The following SETD1A variants were observed in gnomAD, a reference collection of about 807,000 sequenced individuals.
SETD1A encodes SET domain containing 1A, histone lysine methyltransferase, also known as histone-lysine N-methyltransferase SETD1A.
Under a neutral mutation model 149.9 loss-of-function variants are expected in SETD1A, and 29 were observed. The ratio of observed to expected loss-of-function variants is 0.19; its 90% CI spans 0.14 to 0.26. SETD1A has a LOEUF of 0.26. Ranked by LOEUF, SETD1A falls within the 10% of genes least tolerant of loss-of-function variation. The pLI is 1.00. For missense variants in SETD1A, 2,109 were observed against 2,353.1 expected, an observed-to-expected ratio of 0.90 and a Z score of 2.15; for synonymous variants, 1,141 against 968.5, an observed-to-expected ratio of 1.18 and a Z score of -3.31.
At chr16:30,973,299 C>T (rs189528551) in intron 13 of SETD1A, among the ~76,000 whole-genome samples, 15 of 152,174 alleles carry the variant, frequency 9.9e-5, no homozygotes, top group Admixed American at 2.6e-4. Flanking sequence ...GGATGTAGGG[C>T]GCTTCTTAAG....
rs75304120 is a variant in SETD1A at position 30,969,480 on chromosome 16, G to A, written c.2928+18G>A. On this transcript the variant is annotated intron_variant, in intron 11 of 18. Transcript: ENST00000262519. Reference sequence around the variant, plus strand: ...CGGAGAAGGTGAGGGCCCGGGCGCCGGCTCCTGGCCGAAGCCTACTTCCCA... The same window carrying A: ...CGGAGAAGGTGAGGGCCCGGGCGCCAGCTCCTGGCCGAAGCCTACTTCCCA... The A allele has an allele frequency of 3.2e-3, 5,087 of 1,601,840 alleles. 51 individuals are homozygous for A. The highest frequency in any genetic ancestry group is 0.019 in the African/African-American group (1,447 of 74,764).
Position 30,958,825 on chromosome 16 carries a change from C to G in SETD1A, c.94C>G (p.Leu32Val). ...CGTGGATCCTGCCTTGGACCCTGCC[C>G]TGCGCAGGCCTTCTCAGAAGGTGTA... ...LIVDPALDPA[L>V]RRPSQKVYRY... Residue 32 changes from leucine to valine, a missense_variant, in exon 2 of 19, where the codon CTG becomes GTG. Leu to Val is a conservative substitution (Grantham distance 32). Around this residue, in one of 8 missense-constraint regions of SETD1A, gnomAD observed 75 missense variants for 95.3 expected, o/e 0.79. Transcript: ENST00000262519. 6.2e-7 allele frequency: 1 copy of G among 1,614,222 alleles called. No homozygotes were observed. The highest frequency in any genetic ancestry group is 1.6e-4 in the Middle Eastern group (1 of 6,062).
chr16:30,972,715 G>A (rs976564305), intron 13 of SETD1A, among the ~76,000 whole-genome samples: 2 of 151,264 alleles, frequency 1.3e-5, no homozygotes, highest in East Asian at 3.9e-4. Context: ...CTAGCTAGGC[G>A]TGGTGGCGCA....
Position 30,963,631 on chromosome 16 carries a change from G to A in SETD1A, c.639+77G>A, listed in dbSNP as rs1330372916. On this transcript the variant is annotated intron_variant, in intron 5 of 18. Transcript: ENST00000262519. ...GGTGCCCGGAGCAGGAGCAGTCTTC[G>A]GGAGGTTCCGGGCTTTCCCGTTAAA... 9 of 1,451,660 alleles carry A rather than the reference G, an allele frequency of 6.2e-6. No homozygotes were observed. In the Admixed American group the frequency reaches 7.4e-5, roughly 12 times the overall value. 89.9% of individuals were successfully genotyped at this position (1,451,660 alleles called of 1,614,324 possible). A position where few individuals can be genotyped will look rare whatever the true frequency, so the allele number is the denominator to read the frequency against.
In SETD1A at chr16:30,961,551, T is replaced by C. The variant is rs1596670849; in HGVS notation, c.517+14T>C. On this transcript the variant is annotated intron_variant, in intron 4 of 18. Coordinates refer to ENST00000262519, the MANE Select transcript of SETD1A (RefSeq NM_014712.3). The surrounding 1 kb of genome is among the most constrained non-coding windows in gnomAD (Gnocchi z 4.0). Reference sequence around the variant, plus strand: ...TTGACATCAAAGGTGAGGACTCCTCTGCCTGCCACTCAGGCTTGGCCTCCA... The same window carrying C: ...TTGACATCAAAGGTGAGGACTCCTCCGCCTGCCACTCAGGCTTGGCCTCCA... The C allele has an allele frequency of 6.2e-7, 1 of 1,610,808 alleles. No individual in the cohort carries two copies. Among genetic ancestry groups the C allele is most frequent in the South Asian group, 1.1e-5 (1 of 90,856 alleles).
rs771507111 is a variant in SETD1A, at chr16:30,980,479, C to T, written c.4409-6C>T. On this transcript the variant is annotated splice_region_variant and splice_polypyrimidine_tract_variant and intron_variant, in intron 14 of 18. Transcript: ENST00000262519. This position sits in a 1 kb window ranked among gnomAD's most constrained non-coding sequence, Gnocchi z 7.7. ...AGGAGCCGTTCTCTTCCTTAACACCCTGCACTCACCAACCTGACCACCCCA... is the reference window on the plus strand; with the variant it reads ...AGGAGCCGTTCTCTTCCTTAACACCTTGCACTCACCAACCTGACCACCCCA... 1.2e-6 allele frequency: 2 copies of T among 1,612,012 alleles called. No individual in the cohort carries two copies. Among genetic ancestry groups the T allele is most frequent in the East Asian group, 2.2e-5 (1 of 44,886 alleles).
intron 4 of SETD1A, among the ~76,000 whole-genome samples, chr16:30,962,056 T>G (rs1032218298): frequency 8.6e-6 from 1 of 116,928 alleles, no homozygotes; most frequent in Non-Finnish European, 1.7e-5. Context: ...CTGCCCAGCC[T>G]GTTTTTAATT....
In SETD1A at chr16:30,983,898, G is replaced by A. The variant is rs757075905; in HGVS notation, c.4999G>A (p.Val1667Met). 1 of 1,612,788 alleles carries A rather than the reference G, an allele frequency of 6.2e-7. No homozygotes were observed. Among genetic ancestry groups the A allele is most frequent in the Non-Finnish European group, 8.5e-7 (1 of 1,179,352 alleles). ...CACCATCGAGTCCCAGAAGAAGATC[G>A]TGATCTACTCCAAGCAGCCCATTGG... ...VITIESQKKI[V>M]IYSKQPIGVD... The change falls in exon 19 of 19, where the codon GTG becomes ATG. Residue 1667 changes from valine (V) to methionine (M), a missense_variant. Val to Met is a conservative substitution (Grantham distance 21, BLOSUM62 1). Transcript: ENST00000262519. This position sits in a 1 kb window ranked among gnomAD's most constrained non-coding sequence, Gnocchi z 6.8.
intron 12 of SETD1A, among the ~76,000 whole-genome samples, chr16:30,970,906 G>A (rs944240547): frequency 3.9e-5 from 6 of 152,312 alleles, no homozygotes; most frequent in Middle Eastern, 3.4e-3. Context: ...TCCCGTACAT[G>A]AGCAGTCTCA....
At chr16:30,973,181 A>G (rs1254939877) in intron 13 of SETD1A, among the ~76,000 whole-genome samples, 1 of 152,186 alleles carries the variant, frequency 6.6e-6, no homozygotes, top group African/African-American at 2.4e-5. Context: ...CAGCCATGTC[A>G]GGAATTTGGC....
rs1197804550 is a variant in SETD1A, at chr16:30,979,528, G to C, written c.3742G>C (p.Gly1248Arg). The change falls in exon 14 of 19, where the codon GGG becomes CGG. Residue 1248 changes from glycine to arginine, a missense_variant. By Grantham distance (125) the Gly-to-Arg change is moderately radical. Coordinates refer to ENST00000262519, the MANE Select transcript of SETD1A (RefSeq NM_014712.3). ...RLTEEEEAEP[G>R]TEVDLAVLAD... is the part of the protein sequence containing the mutation. ...CACCGAGGAAGAGGAGGCTGAGCCA[G>C]GGACAGAGGTGGACCTGGCGGTCCT... The C allele has an allele frequency of 6.2e-7, 1 of 1,608,176 alleles. No individual in the cohort carries two copies. The highest frequency in any genetic ancestry group is 1.1e-5 in the South Asian group (1 of 90,640).
Position 30,965,003 on chromosome 16 carries a change from A to T in SETD1A, c.1261A>T (p.Thr421Ser), listed in dbSNP as rs140530076. The change falls in exon 7 of 19, where the codon ACC becomes TCC. Residue 421 changes from threonine to serine, a missense_variant. Around this residue, in one of 8 missense-constraint regions of SETD1A, gnomAD observed 410 missense variants for 394.8 expected, o/e 1.04. Coordinates refer to ENST00000262519, the MANE Select transcript of SETD1A (RefSeq NM_014712.3). ...CCTGCCCCCCGAGCCCAGCCGGCCC[A>T]CCGACCAGGACTACCGGCCTCCTGC... ...SYLPPEPSRP[T>S]DQDYRPPASE... 22 of 1,612,716 alleles carry T rather than the reference A, an allele frequency of 1.4e-5. No individual in the cohort carries two copies. The African/African-American group carries it at 2.1e-4, about 16-fold the overall frequency.
rs200812185 is a variant in SETD1A, at chr16:30,971,597, C to T, written c.3236C>T (p.Pro1079Leu). The change falls in exon 13 of 19, where the codon CCG becomes CTG. Residue 1079 changes from proline (P) to leucine (L), a missense_variant. By Grantham distance (98) the Pro-to-Leu change is moderately conservative. Transcript: ENST00000262519. ...ERPAALPSAS[P>L]PPREVPVPTP... ...CCAGCAGCCCTTCCCTCAGCCTCCCCGCCCCCCAGAGAAGTCCCAGTGCCC... is the reference window on the plus strand; with the variant it reads ...CCAGCAGCCCTTCCCTCAGCCTCCCTGCCCCCCAGAGAAGTCCCAGTGCCC... 39 of 1,613,892 alleles carry T rather than the reference C, an allele frequency of 2.4e-5. No homozygotes were observed. In the Middle Eastern group the frequency reaches 6.6e-4, roughly 27 times the overall value.
chr16:30,980,392 C>T lies in SETD1A; in HGVS notation c.4409-93C>T, dbSNP rs538302149. 35 of 1,497,636 alleles carry T rather than the reference C, an allele frequency of 2.3e-5. No individual in the cohort carries two copies. In the South Asian group the frequency reaches 2.7e-4, roughly 12 times the overall value. The allele number at this position is 1,497,636 out of a possible 1,614,324, so 92.8% of individuals were successfully genotyped here. The stretch of plus-strand genomic sequence containing the variant: ...TGGGGCTTCCTCCCCTGTCCCTCAC[C>T]TGGGTATGCTCAGCGGCGTGGGCCC... On this transcript the variant is annotated intron_variant, in intron 14 of 18. Transcript: ENST00000262519. This position sits in a 1 kb window ranked among gnomAD's most constrained non-coding sequence, Gnocchi z 7.7.
chr16:30,972,365 G>A (rs935238769), intron 13 of SETD1A, among the ~76,000 whole-genome samples: 29 of 152,160 alleles, frequency 1.9e-4, no homozygotes, highest in African/African-American at 6.8e-4. Flanking sequence ...GGCCGGGCGC[G>A]GTGGCTTACG....
In SETD1A at chr16:30,980,475, C is replaced by T. The variant is rs768068745; in HGVS notation, c.4409-10C>T. The stretch of plus-strand genomic sequence containing the variant: ...AGAGAGGAGCCGTTCTCTTCCTTAA[C>T]ACCCTGCACTCACCAACCTGACCAC... On this transcript the variant is annotated splice_polypyrimidine_tract_variant and intron_variant, in intron 14 of 18. Transcript: ENST00000262519. The surrounding 1 kb of genome is among the most constrained non-coding windows in gnomAD (Gnocchi z 7.7). The T allele has an allele frequency of 6.2e-7, 1 of 1,610,176 alleles. No homozygotes were observed. The highest frequency in any genetic ancestry group is 8.5e-7 in the Non-Finnish European group (1 of 1,177,976).
intron 7 of SETD1A, 61 bp downstream of exon 7, chr16:30,965,522 G>A: frequency 3.8e-6 from 6 of 1,589,314 alleles, no homozygotes; most frequent in Non-Finnish European, 4.3e-6. Flanking sequence ...TGGGCCTAGG[G>A]GAGAGGGAAG....
At chr16:30,974,747 C>A (rs992576407) in intron 13 of SETD1A, among the ~76,000 whole-genome samples, 1 of 152,130 alleles carries the variant, frequency 6.6e-6, no homozygotes, top group African/African-American at 2.4e-5. Flanking sequence ...TGGCTCACAC[C>A]TGTAATCCCA....
chr16:30,979,995 TCCGCCCCCACCCCCGCCGCCA>T lies in SETD1A; in HGVS notation c.4217_4237del (p.Pro1406_Pro1412del). 2.1e-6 allele frequency: 1 copy of T among 477,106 alleles called. No homozygotes were observed. Among genetic ancestry groups the T allele is most frequent in the Non-Finnish European group, 3.2e-6 (1 of 313,586 alleles). 29.6% of individuals were successfully genotyped at this position (477,106 alleles called of 1,614,324 possible). A position where few individuals can be genotyped will look rare whatever the true frequency, so the allele number is the denominator to read the frequency against. ...GCTCCCACGCCCGGCGCCGCCGCCC[TCCGCCCCCACCCCCGCCGCCA>T]CCGCCCCGCGCCTACGAGCCACGCA... On this transcript the variant is annotated inframe_deletion, in exon 14 of 19. Transcript: ENST00000262519.
Sources: gnomAD v4.1 joint callset for allele counts (sites outside exome capture counted in the v4.1 genomes callset) on GRCh38, gnomAD v4.1.1 for gene constraint, gnomAD v4.1.1 regional missense constraint, Gnocchi (gnomAD v3.1) non-coding constraint, MANE v1.5 for transcripts, NCBI Gene and HGNC (gene_info 2026-07-23, HGNC 2026-07-21) for gene names.